CACNG7: variants seen among roughly 807,000 people sequenced by gnomAD.
The protein encoded by CACNG7 is calcium voltage-gated channel auxiliary subunit gamma 7.
Under a neutral mutation model 26.3 loss-of-function variants are expected in CACNG7, and 9 were observed. The observed-to-expected ratio is 0.34, with a 90% CI of 0.21 to 0.60. The LOEUF is 0.60. Ranked by LOEUF, CACNG7 falls within the 20% of genes least tolerant of loss-of-function variation. The pLI is 0.81. For missense variants in CACNG7, 297 were observed against 380.4 expected (o/e 0.78, Z 1.82); for synonymous variants, 170 against 157.0 (o/e 1.08, Z -0.62).
intron 4 of CACNG7, among the ~76,000 whole-genome samples, chr19:53,919,017 GC>G (rs1044880227): frequency 2.1e-4 from 32 of 152,286 alleles, no homozygotes; most frequent in South Asian, 6.2e-4. Context: ...TGATCCGCCC[GC>G]CTCGGCCTCC....
chr19:53,929,603 C>T, intron 4 of CACNG7, among the ~76,000 whole-genome samples: 1 of 151,994 alleles, frequency 6.6e-6, no homozygotes, highest in Non-Finnish European at 1.5e-5. Flanking sequence ...ATTACAGGCG[C>T]CCGCCACCAT....
rs1334330603 is a variant in CACNG7, at chr19:53,909,800, G to T, written c.-30+283G>T. 6.6e-6 allele frequency among the ~76,000 whole-genome samples: 1 copy of T among 152,132 alleles called. No homozygotes were observed. The highest frequency in any genetic ancestry group is 1.5e-5 in the Non-Finnish European group (1 of 68,020). ...CAGAGGCCGGGTCCCTGAGGAAGGC[G>T]AGGTACGGGGCGAGGGCGGAGGACC... is the stretch of plus-strand genomic sequence containing the variant. On this transcript the variant is annotated intron_variant, in intron 1 of 5. Transcript: ENST00000391767. The surrounding 1 kb of genome is among the most constrained non-coding windows in gnomAD (Gnocchi z 5.1).
At chr19:53,927,255 A>G (rs896098560) in intron 4 of CACNG7, among the ~76,000 whole-genome samples, 3 of 152,088 alleles carry the variant, frequency 2.0e-5, no homozygotes, top group Non-Finnish European at 4.4e-5. Context: ...TCTTGTTTGT[A>G]TCTTAGAGCC....
At chr19:53,932,833 CCTT>C (rs1190212291) in intron 4 of CACNG7, among the ~76,000 whole-genome samples, 3 of 146,282 alleles carry the variant, frequency 2.1e-5, no homozygotes, top group Admixed American at 6.8e-5. Context: ...TTTTCTCTCT[CCTT>C]TTTTTTTTTT....
At chr19:53,923,734 T>G in intron 4 of CACNG7, among the ~76,000 whole-genome samples, 1 of 117,230 alleles carries the variant, frequency 8.5e-6, no homozygotes, top group Non-Finnish European at 1.6e-5. Flanking sequence ...ATTGGTGGAG[T>G]TGCCCCAGGT....
intron 4 of CACNG7, among the ~76,000 whole-genome samples, chr19:53,937,698 C>T (rs2069114061): frequency 6.6e-6 from 1 of 151,794 alleles, no homozygotes; most frequent in African/African-American, 2.4e-5. Flanking sequence ...TCAAGTAATC[C>T]TCCTGCCTCA....
intron 4 of CACNG7, 133 bp from the exon 5 acceptor site, chr19:53,941,337 C>T (rs1274349715): frequency 9.9e-7 from 1 of 1,009,096 alleles, no homozygotes; most frequent in Non-Finnish European, 1.4e-6. Flanking sequence ...CCAACCAAGG[C>T]CCAGCATACA....
chr19:53,929,111 C>CAAAAA (rs1157941961), intron 4 of CACNG7, among the ~76,000 whole-genome samples: 1 of 36,494 alleles, frequency 2.7e-5, no homozygotes, highest in African/African-American at 1.3e-4. Context: ...GACTCCACCT[C>CAAAAA]AAAAAAAAAA....
Position 53,930,240 on chromosome 19 carries a change from A to C in CACNG7, c.425-11230A>C, listed in dbSNP as rs534870444. Among the ~76,000 whole-genome samples, 29 of 145,104 alleles carry C rather than the reference A, an allele frequency of 2.0e-4. 1 individual carries two copies. Among genetic ancestry groups the C allele is most frequent in the Admixed American group, 1.7e-3 (25 of 14,386 alleles). ...TTTTTTTTTCTTGAGACAGAGTCTC[A>C]CTCTGTCACCCAGGCTGGAGTGCAA... On this transcript the variant is annotated intron_variant, in intron 4 of 5. Transcript: ENST00000391767.
chr19:53,913,225 CT>C (rs974954113), intron 2 of CACNG7, among the ~76,000 whole-genome samples, 198 bp downstream of exon 2: 5 of 152,190 alleles, frequency 3.3e-5, no homozygotes, highest in Admixed American at 2.6e-4. Flanking sequence ...CTCCAGGCCC[CT>C]AACCCCTAAG....
intron 4 of CACNG7, among the ~76,000 whole-genome samples, chr19:53,934,318 T>G (rs1286579519): frequency 1.3e-5 from 2 of 152,220 alleles, no homozygotes; most frequent in African/African-American, 4.8e-5. Context: ...TTAAACATCA[T>G]TGGCAAGAAA....
Position 53,939,479 on chromosome 19 carries a change from C to T in CACNG7, c.425-1991C>T, listed in dbSNP as rs1336302873. Reference sequence around the variant, plus strand: ...TCCCTGGCAACCACTAATCTACTTTCTGTCTCTGTGGATTTGCCTATTCTG... The same window carrying T: ...TCCCTGGCAACCACTAATCTACTTTTTGTCTCTGTGGATTTGCCTATTCTG... On this transcript the variant is annotated intron_variant, in intron 4 of 5. Transcript: ENST00000391767. This position sits in a 1 kb window ranked among gnomAD's most constrained non-coding sequence, Gnocchi z 4.2. 6.6e-6 allele frequency among the ~76,000 whole-genome samples: 1 copy of T among 152,164 alleles called. No homozygotes were observed. The highest frequency in any genetic ancestry group is 1.5e-5 in the Non-Finnish European group (1 of 68,032).
In CACNG7 at chr19:53,913,032, A is replaced by T; in HGVS notation, c.196+5A>T. ...GGCGAGTCTGCTTCTTTGCAGGTAC[A>T]GCCCTCACCCGTCTTCCACTCAACA... is the stretch of plus-strand genomic sequence containing the variant. On this transcript the variant is annotated splice_donor_5th_base_variant and intron_variant, in intron 2 of 5. Transcript: ENST00000391767. The T allele has an allele frequency of 6.2e-7, 1 of 1,604,516 alleles. No homozygotes were observed.
At chr19:53,925,862 G>GA (rs2069026887) in intron 4 of CACNG7, among the ~76,000 whole-genome samples, 1 of 152,136 alleles carries the variant, frequency 6.6e-6, no homozygotes, top group Non-Finnish European at 1.5e-5. Flanking sequence ...TGTGAGAGAG[G>GA]GATATTGATG....
rs2068976800 is a variant in CACNG7, at chr19:53,923,011, C to CCCCAGGACTGGTCATTGGTGCAGTTGT, written c.424+7512_424+7513insACTGGTCATTGGTGCAGTTGTCCCAGG. On this transcript the variant is annotated intron_variant, in intron 4 of 5. Transcript: ENST00000391767. ...CCAGGACTGGTCATTGGTGCAGTTGCCCCAGGCCTGGTCATTGGTGCAGTT... is the reference window on the plus strand; with the variant it reads ...CCAGGACTGGTCATTGGTGCAGTTGCCCCAGGACTGGTCATTGGTGCAGTTGTCCCAGGCCTGGTCATTGGTGCAGTT... Among the ~76,000 whole-genome samples the CCCCAGGACTGGTCATTGGTGCAGTTGT allele has an allele frequency of 2.1e-5, 2 of 97,098 alleles. 1 individual carries two copies. Among genetic ancestry groups the CCCCAGGACTGGTCATTGGTGCAGTTGT allele is most frequent in the Non-Finnish European group, 3.8e-5 (2 of 52,112 alleles). The allele number at this position is 97,098 out of a possible 152,430, so 63.7% of individuals were successfully genotyped here.
intron 4 of CACNG7, among the ~76,000 whole-genome samples, chr19:53,938,379 T>C (rs1326997496): frequency 6.6e-6 from 1 of 151,758 alleles, no homozygotes; most frequent in Non-Finnish European, 1.5e-5. Context: ...AGTTAGGTGG[T>C]CTAAGAAAAA....
At chr19:53,923,473 A>T (rs1352473192) in intron 4 of CACNG7, among the ~76,000 whole-genome samples, 1 of 123,406 alleles carries the variant, frequency 8.1e-6, no homozygotes, top group Non-Finnish European at 1.7e-5. Flanking sequence ...GAGTTGTCCC[A>T]GGTCTGGTCA....
Position 53,922,168 on chromosome 19 carries a change from G to C in CACNG7, c.424+6663G>C, listed in dbSNP as rs527811423. ...GTTGTCCCCAGGTCTGGTCATTGGT[G>C]GAGTTGTCCCAGGCTGGTCATTGGT... On this transcript the variant is annotated intron_variant, in intron 4 of 5. Transcript: ENST00000391767. Among the ~76,000 whole-genome samples, 27 of 129,768 alleles carry C rather than the reference G, an allele frequency of 2.1e-4. 1 individual carries two copies. Among genetic ancestry groups the C allele is most frequent in the African/African-American group, 6.9e-4 (22 of 31,882 alleles). The allele number at this position is 129,768 out of a possible 152,430, so 85.1% of individuals were successfully genotyped here.
At position 53,939,004 on chromosome 19, in the gene CACNG7, C is replaced by T. The variant is rs1219620536; in HGVS notation, c.425-2466C>T. ...GGGTGTGGTGGCTCACACCTGTAAT[C>T]CCAGCACTTTGGGAGGCCAAGGTGG... On this transcript the variant is annotated intron_variant, in intron 4 of 5. Transcript: ENST00000391767. This position sits in a 1 kb window ranked among gnomAD's most constrained non-coding sequence, Gnocchi z 4.2. 4.0e-5 allele frequency among the ~76,000 whole-genome samples: 6 copies of T among 151,718 alleles called. No homozygotes were observed. The highest frequency in any genetic ancestry group is 2.1e-4 in the South Asian group (1 of 4,810).
Sources: gnomAD v4.1 joint callset for allele counts (sites outside exome capture counted in the v4.1 genomes callset) on GRCh38, gnomAD v4.1.1 for gene constraint, Gnocchi (gnomAD v3.1) non-coding constraint, MANE v1.5 for transcripts, NCBI Gene and HGNC (gene_info 2026-07-23, HGNC 2026-07-21) for gene names.